CDYL2: variants seen among roughly 807,000 people sequenced by gnomAD.
CDYL2 encodes the protein chromodomain Y like 2.
A neutral mutation model predicts 49.4 loss-of-function variants in CDYL2; 23 were observed. The observed-to-expected ratio is 0.47, with a 90% CI of 0.34 to 0.66. The LOEUF (loss-of-function observed/expected upper bound fraction) is 0.66. Among genes scored for constraint, CDYL2 ranks in the 30% least tolerant of loss-of-function variants. CDYL2 has a pLI of 0.01. For missense variants in CDYL2, 678 were observed against 656.4 expected, an observed-to-expected ratio of 1.03 and a Z score of -0.36; for synonymous variants, 360 against 268.8, an observed-to-expected ratio of 1.34 and a Z score of -3.32.
At chr16:80,643,800 C>T (rs2873085) in intron 2 of CDYL2, among the ~76,000 whole-genome samples, 75,136 of 152,032 alleles carry the variant, frequency 0.49, 20,216 homozygotes, top group African/African-American at 0.69. Context: ...AACAGGACCC[C>T]GGGCCCAGCC....
intron 1 of CDYL2, chr16:80,742,193 G>C (rs1044748924): frequency 6.6e-6 from 1 of 152,234 alleles, no homozygotes; most frequent in African/African-American, 2.4e-5. Context: ...TGCCTACCTA[G>C]CCCAGACTCT....
intron 1 of CDYL2, among the ~76,000 whole-genome samples, chr16:80,720,944 A>C (rs1195698753): frequency 1.3e-5 from 2 of 152,164 alleles, no homozygotes; most frequent in Non-Finnish European, 2.9e-5. Context: ...GACTAAAATA[A>C]CCAGAAAGAA....
At position 80,612,976 on chromosome 16, in the gene CDYL2, T is replaced by C; in HGVS notation, c.1008-140A>G. 2 of 687,792 alleles carry C rather than the reference T, an allele frequency of 2.9e-6. No individual in the cohort carries two copies. Among genetic ancestry groups the C allele is most frequent in the Non-Finnish European group, 2.4e-6 (1 of 423,156 alleles). The allele number at this position is 687,792 out of a possible 1,614,324, so 42.6% of individuals were successfully genotyped here. A position where few individuals can be genotyped will look rare whatever the true frequency, so the allele number is the denominator to read the frequency against. ...GGTGCCAGGCAAGGGCCTCATTGCC[T>C]GGACATGGAACCACCAGCTGTCAGA... is the stretch of plus-strand genomic sequence containing the variant. On this transcript the variant is annotated intron_variant, in intron 4 of 6. Coordinates refer to ENST00000570137, the MANE Select transcript of CDYL2 (RefSeq NM_152342.4). This position sits in a 1 kb window ranked among gnomAD's most constrained non-coding sequence, Gnocchi z 5.0.
chr16:80,656,218 G>A (rs1170129518), intron 2 of CDYL2, among the ~76,000 whole-genome samples: 1 of 152,232 alleles, frequency 6.6e-6, no homozygotes, highest in African/African-American at 2.4e-5. Context: ...CTTCTCCAAT[G>A]TCAGCTGGAG....
chr16:80,758,566 CTG>C (rs1314027354), intron 1 of CDYL2, among the ~76,000 whole-genome samples: 1 of 111,160 alleles, frequency 9.0e-6, no homozygotes, highest in Non-Finnish European at 1.8e-5. Context: ...TTTTTTGTGA[CTG>C]AGTCCACACT....
intron 1 of CDYL2, among the ~76,000 whole-genome samples, chr16:80,782,323 A>G (rs766656317): frequency 2.6e-5 from 4 of 151,964 alleles, no homozygotes; most frequent in African/African-American, 4.8e-5. Context: ...GATCTGTAAC[A>G]TGTAAGGAGA....
At chr16:80,707,698 G>A (rs922754556) in intron 1 of CDYL2, among the ~76,000 whole-genome samples, 1 of 152,102 alleles carries the variant, frequency 6.6e-6, no homozygotes, top group Non-Finnish European at 1.5e-5. Context: ...TCCTTTCCTA[G>A]TTTTTAACAG....
chr16:80,779,441 T>C (rs1050051862), intron 1 of CDYL2, among the ~76,000 whole-genome samples: 4 of 152,092 alleles, frequency 2.6e-5, no homozygotes, highest in Non-Finnish European at 5.9e-5. Context: ...AAGCACATGA[T>C]TTCTGGAGAG....
intron 1 of CDYL2, among the ~76,000 whole-genome samples, chr16:80,749,633 C>G (rs1188769769): frequency 6.6e-6 from 1 of 152,060 alleles, no homozygotes; most frequent in East Asian, 1.9e-4. Flanking sequence ...TATCAGCTAC[C>G]TACAAAATAA....
At position 80,634,091 on chromosome 16, in the gene CDYL2, A is replaced by G. The variant is rs552831673; in HGVS notation, c.617-855T>C. On this transcript the variant is annotated intron_variant, in intron 2 of 6. Transcript: ENST00000570137. ...CAAATACCTCCGTCCAAAAAAAAAA[A>G]AGGGAAAGAGAGAGGGAAGGAAGAC... Among the ~76,000 whole-genome samples, 23 of 152,248 alleles carry G rather than the reference A, an allele frequency of 1.5e-4. No individual in the cohort carries two copies. In the South Asian group the frequency reaches 2.3e-3, roughly 15 times the overall value.
At chr16:80,606,286 C>T (rs1906328828) in intron 6 of CDYL2, among the ~76,000 whole-genome samples, 2 of 152,154 alleles carry the variant, frequency 1.3e-5, no homozygotes, top group South Asian at 2.1e-4. Context: ...TCTTGGGAAA[C>T]CCCCCCAGCA....
At chr16:80,706,234 T>C (rs1904400573) in intron 1 of CDYL2, among the ~76,000 whole-genome samples, 1 of 152,260 alleles carries the variant, frequency 6.6e-6, no homozygotes, top group African/African-American at 2.4e-5. Flanking sequence ...GTCCCTTGGC[T>C]ACAGGCCAGT....
chr16:80,749,846 T>A (rs979379271), intron 1 of CDYL2, among the ~76,000 whole-genome samples: 7 of 152,154 alleles, frequency 4.6e-5, no homozygotes, highest in Admixed American at 2.6e-4. Context: ...CAAATGTCCA[T>A]CAATGATAGA....
At position 80,741,612 on chromosome 16, in the gene CDYL2, G is replaced by C. The variant is rs535884600; in HGVS notation, c.25-56483C>G. Among the ~76,000 whole-genome samples, 8 of 152,140 alleles carry C rather than the reference G, an allele frequency of 5.3e-5. 1 individual carries two copies. In the South Asian group the frequency reaches 1.5e-3, roughly 28 times the overall value. ...GAAAAAGAAGTGTGTGAGGGTAATA[G>C]ATGATATCTAAATAAAATAAATAAA... On this transcript the variant is annotated intron_variant, in intron 1 of 6. Transcript: ENST00000570137.
chr16:80,792,576 C>G (rs1408984735), intron 1 of CDYL2, among the ~76,000 whole-genome samples: 2 of 152,130 alleles, frequency 1.3e-5, no homozygotes, highest in African/African-American at 4.8e-5. Flanking sequence ...AAGGGAAGCA[C>G]CAACAACCAA....
At chr16:80,794,943 G>A (rs548419641) in intron 1 of CDYL2, among the ~76,000 whole-genome samples, 3 of 152,276 alleles carry the variant, frequency 2.0e-5, no homozygotes, top group South Asian at 2.1e-4. Flanking sequence ...ATTCATGGCT[G>A]TAGCCCTAGT....
chr16:80,725,501 A>G (rs961778864), intron 1 of CDYL2, among the ~76,000 whole-genome samples: 7 of 152,220 alleles, frequency 4.6e-5, no homozygotes, highest in African/African-American at 1.7e-4. Context: ...GGCCCACAGT[A>G]GGTGCTCAGG....
intron 6 of CDYL2, among the ~76,000 whole-genome samples, chr16:80,606,581 G>A (rs2142357555): frequency 6.6e-6 from 1 of 152,142 alleles, no homozygotes; most frequent in East Asian, 1.9e-4. Context: ...CCTCTGCTTA[G>A]AATTTCTACC....
chr16:80,733,645 T>C (rs1378828174), intron 1 of CDYL2, among the ~76,000 whole-genome samples: 1 of 152,132 alleles, frequency 6.6e-6, no homozygotes, highest in Non-Finnish European at 1.5e-5. Flanking sequence ...GCTTTCTCAA[T>C]AAACTCAAGT....
Sources: gnomAD v4.1 joint callset for allele counts (sites outside exome capture counted in the v4.1 genomes callset) on GRCh38, gnomAD v4.1.1 for gene constraint, Gnocchi (gnomAD v3.1) non-coding constraint, MANE v1.5 for transcripts, NCBI Gene and HGNC (gene_info 2026-07-23, HGNC 2026-07-21) for gene names.